Variants in SSH1 observed in about 807,000 individuals in gnomAD.
The protein encoded by SSH1 is protein phosphatase Slingshot homolog 1.
SSH1 carries 43 observed loss-of-function variants against 79.7 expected under a neutral mutation model. That is an observed-to-expected ratio of 0.54 (90% confidence interval 0.42 to 0.70). The LOEUF (loss-of-function observed/expected upper bound fraction) is 0.70, where lower values mean the gene tolerates loss of function less well. SSH1 is among the 30% of genes least tolerant of loss of function. SSH1 has a pLI of 0.00. For synonymous variants in SSH1, 599 were observed against 538.3 expected (o/e 1.11, Z -1.56); for missense variants, 1,206 against 1,358.8 (o/e 0.89, Z 1.77).
chr12:108,810,117 T>C (rs1038552292), intron 6 of SSH1, among the ~76,000 whole-genome samples: 21 of 152,044 alleles, frequency 1.4e-4, no homozygotes, highest in African/African-American at 3.4e-4. Context: ...CTTTTTGTAA[T>C]TGCATGGAAA....
chr12:108,824,404 C>A (rs557152592), intron 2 of SSH1, among the ~76,000 whole-genome samples: 1 of 151,340 alleles, frequency 6.6e-6, no homozygotes, highest in African/African-American at 2.4e-5. Flanking sequence ...GCCAAGATCG[C>A]ACCACGCACC....
chr12:108,805,330 C>G, intron 9 of SSH1, 146 bp from the exon 10 acceptor site: 1 of 829,442 alleles, frequency 1.2e-6, no homozygotes, highest in Non-Finnish European at 1.9e-6. Flanking sequence ...TTTAGATACA[C>G]GCAACATACA....
At chr12:108,795,915 T>A (rs1463036859) in intron 13 of SSH1, among the ~76,000 whole-genome samples, 1 of 152,150 alleles carries the variant, frequency 6.6e-6, no homozygotes, top group Middle Eastern at 3.2e-3. Flanking sequence ...TTTATTTATG[T>A]ATTTCTTTCT....
intron 2 of SSH1, among the ~76,000 whole-genome samples, chr12:108,846,568 TCTG>T (rs750298034): frequency 2.6e-5 from 4 of 152,250 alleles, no homozygotes; most frequent in Non-Finnish European, 5.9e-5. Context: ...TCTATACTGC[TCTG>T]CTGCAATCAT....
chr12:108,791,864 G>A, intron 14 of SSH1: 2 of 1,113,356 alleles, frequency 1.8e-6, no homozygotes, highest in South Asian at 7.9e-5. Context: ...CAGGGGTGTG[G>A]GGAAGTGGGT....
chr12:108,794,251 G>A (rs908513118), intron 13 of SSH1, among the ~76,000 whole-genome samples: 5 of 152,230 alleles, frequency 3.3e-5, no homozygotes, highest in Non-Finnish European at 5.9e-5. Flanking sequence ...GGGAGAAAGT[G>A]CCGCCCAGGC....
At chr12:108,815,236 G>C (rs2037829941) in intron 5 of SSH1, among the ~76,000 whole-genome samples, 1 of 152,210 alleles carries the variant, frequency 6.6e-6, no homozygotes, top group Non-Finnish European at 1.5e-5. Context: ...AATCACTGCA[G>C]CCTCGTGAGC....
At position 108,835,697 on chromosome 12, in the gene SSH1, G is replaced by A. The variant is rs116557465; in HGVS notation, c.111-12336C>T. 4.3e-3 allele frequency among the ~76,000 whole-genome samples: 652 copies of A among 152,016 alleles called. 1 individual carries two copies. The highest frequency in any genetic ancestry group is 0.015 in the African/African-American group (611 of 41,462). ...GGCAAGCTTCTGAGTTGGGGAGGGGGTGTGGGATCCCAAGCTGAGGTGTCT... is the reference window on the plus strand; with the variant it reads ...GGCAAGCTTCTGAGTTGGGGAGGGGATGTGGGATCCCAAGCTGAGGTGTCT... On this transcript the variant is annotated intron_variant, in intron 2 of 14. Coordinates refer to ENST00000326495, the MANE Select transcript of SSH1 (RefSeq NM_018984.4).
intron 3 of SSH1, 21 bp downstream of exon 3, chr12:108,823,237 G>T (rs1383747880): frequency 1.2e-5 from 18 of 1,554,010 alleles, no homozygotes; most frequent in Non-Finnish European, 1.6e-5. Flanking sequence ...CAATGTAAGA[G>T]TATCAACTTA....
chr12:108,833,256 C>A (rs2038517332), intron 2 of SSH1, among the ~76,000 whole-genome samples: 1 of 152,040 alleles, frequency 6.6e-6, no homozygotes, highest in African/African-American at 2.4e-5. Context: ...GCCCTCAGGC[C>A]CCATGGAAGC....
intron 2 of SSH1, among the ~76,000 whole-genome samples, chr12:108,850,837 G>C (rs1234521727): frequency 6.8e-6 from 1 of 148,070 alleles, no homozygotes; most frequent in Admixed American, 6.7e-5. Context: ...AGGAGCTGGT[G>C]GGGAGGGCAG....
At position 108,791,230 on chromosome 12, in the gene SSH1, C is replaced by T. The variant is rs531588640; in HGVS notation, c.1893+1056G>A. On this transcript the variant is annotated intron_variant, in intron 14 of 14. Transcript: ENST00000326495. Reference sequence around the variant, plus strand: ...GTTCAAGCAATTCTCGTGCCTCAGCCTCCTGAGTAGCTGGGATTACAGGCA... The same window carrying T: ...GTTCAAGCAATTCTCGTGCCTCAGCTTCCTGAGTAGCTGGGATTACAGGCA... Among the ~76,000 whole-genome samples, 50 of 152,274 alleles carry T rather than the reference C, an allele frequency of 3.3e-4. 1 individual carries two copies. The highest frequency in any genetic ancestry group is 1.9e-4 in the East Asian group (1 of 5,184).
rs1009958851 is a variant in SSH1, at chr12:108,853,430, T to A, written c.70-752A>T. On this transcript the variant is annotated intron_variant, in intron 1 of 14. Transcript: ENST00000326495. ...AACTCCGCACCGCTGGGACTTGGCA[T>A]GTTTTTTATGTTGCACAGAGGCGCC... is the stretch of plus-strand genomic sequence containing the variant. 6.0e-6 allele frequency: 5 copies of A among 833,898 alleles called. No individual in the cohort carries two copies. The African/African-American group carries it at 9.2e-5, about 15-fold the overall frequency. 51.7% of individuals were successfully genotyped at this position (833,898 alleles called of 1,614,324 possible).
At position 108,857,554 on chromosome 12, in the gene SSH1, C is replaced by T. The variant is rs1220513915; in HGVS notation, c.-58G>A. On this transcript the variant is annotated 5_prime_UTR_variant, in exon 1 of 15. The change creates a new upstream start codon in the 5' untranslated region. Coordinates refer to ENST00000326495, the MANE Select transcript of SSH1 (RefSeq NM_018984.4). The surrounding 1 kb of genome is among the most constrained non-coding windows in gnomAD (Gnocchi z 4.7). Reference sequence around the variant, plus strand: ...TCTCGAGCTAGAGCCGCCACCGCCACCGCCGCCCGGGCCGGGCCCGGGGCC... The same window carrying T: ...TCTCGAGCTAGAGCCGCCACCGCCATCGCCGCCCGGGCCGGGCCCGGGGCC... The T allele has an allele frequency of 3.0e-6, 3 of 995,652 alleles. No homozygotes were observed. The highest frequency in any genetic ancestry group is 3.6e-6 in the Non-Finnish European group (3 of 830,702). The allele number at this position is 995,652 out of a possible 1,614,324, so 61.7% of individuals were successfully genotyped here.
At position 108,810,185 on chromosome 12, in the gene SSH1, T is replaced by C. The variant is rs144045720; in HGVS notation, c.471-427A>G. Among the ~76,000 whole-genome samples, 261 of 151,216 alleles carry C rather than the reference T, an allele frequency of 1.7e-3. 2 individuals are homozygous for C. Among genetic ancestry groups the C allele is most frequent in the African/African-American group, 5.8e-3 (241 of 41,374 alleles). Reference sequence around the variant, plus strand: ...ATATATAAAAATATCTATTAATACATTAATATAAATATGTTAATATAAAAT... The same window carrying C: ...ATATATAAAAATATCTATTAATACACTAATATAAATATGTTAATATAAAAT... On this transcript the variant is annotated intron_variant, in intron 6 of 14. Coordinates refer to ENST00000326495, the MANE Select transcript of SSH1 (RefSeq NM_018984.4).
At chr12:108,821,414 TAAA>T (rs879429154) in intron 3 of SSH1, among the ~76,000 whole-genome samples, 1 of 140,808 alleles carries the variant, frequency 7.1e-6, no homozygotes, top group Non-Finnish European at 1.6e-5. Flanking sequence ...TTCATATAAT[TAAA>T]AAAAAAAAAA....
chr12:108,824,294 A>C (rs2038232685), intron 2 of SSH1, among the ~76,000 whole-genome samples: 1 of 151,966 alleles, frequency 6.6e-6, no homozygotes, highest in African/African-American at 2.4e-5. Context: ...AAATGCAAAA[A>C]TTAGCCAGGC....
chr12:108,793,802 G>A (rs1468134466), intron 13 of SSH1, among the ~76,000 whole-genome samples: 1 of 152,224 alleles, frequency 6.6e-6, no homozygotes, highest in East Asian at 1.9e-4. Flanking sequence ...TCACAGGCTT[G>A]CGAGGGTTAA....
chr12:108,789,475 G>A (rs566742555), intron 14 of SSH1, among the ~76,000 whole-genome samples: 1 of 152,258 alleles, frequency 6.6e-6, no homozygotes, highest in South Asian at 2.1e-4. Context: ...AGTTTACATT[G>A]TTTCCTAAGG....
Sources: allele counts gnomAD v4.1 joint callset (sites outside exome capture counted in the v4.1 genomes callset), GRCh38; gene constraint gnomAD v4.1.1; non-coding constraint Gnocchi (gnomAD v3.1); transcripts MANE v1.5; gene names NCBI Gene and HGNC (gene_info 2026-07-23, HGNC 2026-07-21).